The following TNFSF4 variants were observed in gnomAD, a reference collection of about 807,000 sequenced individuals.
TNFSF4 encodes tumor necrosis factor ligand superfamily member 4.
TNFSF4 carries 4 observed loss-of-function variants against 7.3 expected under a neutral mutation model. The ratio of observed to expected loss-of-function variants is 0.55; its 90% CI spans 0.27 to 1.25. The LOEUF (loss-of-function observed/expected upper bound fraction) is 1.25. TNFSF4 is among the 50% of genes most tolerant of loss of function. The pLI, the probability that TNFSF4 is intolerant of heterozygous loss-of-function variation, is 0.12. For synonymous variants in TNFSF4, 76 were observed against 83.7 expected, an observed-to-expected ratio of 0.91 and a Z score of 0.50; for missense variants, 181 against 208.8, an observed-to-expected ratio of 0.87 and a Z score of 0.82.
At chr1:173,197,056 A>G (rs1649733929) in intron 1 of TNFSF4, among the ~76,000 whole-genome samples, 1 of 152,208 alleles carries the variant, frequency 6.6e-6, no homozygotes, top group Non-Finnish European at 1.5e-5. Flanking sequence ...CTGGACCTTC[A>G]TCAGCTACAA....
chr1:173,408,776 C>T, the TNFSF4 span, among the ~76,000 whole-genome samples: 71 of 151,922 alleles, frequency 4.7e-4, no homozygotes, highest in Middle Eastern at 0.017. Context: ...TTAGTAGAGA[C>T]GGGGGGTTTC....
chr1:173,177,611 G>A, the TNFSF4 span, among the ~76,000 whole-genome samples: 1 of 152,096 alleles, frequency 6.6e-6, no homozygotes. Flanking sequence ...AATAAAAAAT[G>A]CAGATTCTAT....
At chr1:173,397,509 T>C in the TNFSF4 span, among the ~76,000 whole-genome samples, 4 of 152,192 alleles carry the variant, frequency 2.6e-5, no homozygotes, top group Non-Finnish European at 5.9e-5. Context: ...TAGTGGATTA[T>C]GAAAGTCAGG....
At chr1:173,307,068 A>G in the TNFSF4 span, among the ~76,000 whole-genome samples, 1 of 151,934 alleles carries the variant, frequency 6.6e-6, no homozygotes, top group Non-Finnish European at 1.5e-5. Flanking sequence ...CATCTGTTTC[A>G]GGTTTTACCA....
At chr1:173,272,732 C>T in the TNFSF4 span, among the ~76,000 whole-genome samples, 6 of 152,130 alleles carry the variant, frequency 3.9e-5, no homozygotes, top group Non-Finnish European at 7.4e-5. Context: ...AATGTTGCCA[C>T]GACCTTTGCT....
At chr1:173,447,876 A>C in the TNFSF4 span, among the ~76,000 whole-genome samples, 1 of 152,170 alleles carries the variant, frequency 6.6e-6, no homozygotes, top group Non-Finnish European at 1.5e-5. Flanking sequence ...CTAACTATCT[A>C]CAAGAAACCT....
chr1:173,306,108 A>G, the TNFSF4 span, among the ~76,000 whole-genome samples: 3 of 151,702 alleles, frequency 2.0e-5, no homozygotes, highest in Admixed American at 6.6e-5. Flanking sequence ...TCTCAGTGGC[A>G]TCTTATAATC....
chr1:173,176,092 A>G, the TNFSF4 span, among the ~76,000 whole-genome samples: 3 of 152,206 alleles, frequency 2.0e-5, no homozygotes, highest in Non-Finnish European at 2.9e-5. Flanking sequence ...TGTTCTGTGT[A>G]TCAAAAAGTT....
the TNFSF4 span, among the ~76,000 whole-genome samples, chr1:173,278,444 G>A: frequency 6.6e-6 from 1 of 152,086 alleles, no homozygotes. Flanking sequence ...CAACTGGCAT[G>A]GACTACTTTA....
the TNFSF4 span, among the ~76,000 whole-genome samples, chr1:173,407,703 GGTGTGTGT>G: frequency 2.7e-5 from 4 of 148,250 alleles, no homozygotes; most frequent in African/African-American, 5.0e-5. Flanking sequence ...GATGTAAATG[GGTGTGTGT>G]GTGTGTGTGT....
the TNFSF4 span, among the ~76,000 whole-genome samples, chr1:173,321,015 A>G: frequency 6.6e-6 from 1 of 152,330 alleles, no homozygotes; most frequent in South Asian, 2.1e-4. Flanking sequence ...GAGCCCATAT[A>G]GCCAAGAAAA....
At chr1:173,376,258 C>T in the TNFSF4 span, among the ~76,000 whole-genome samples, 1 of 152,168 alleles carries the variant, frequency 6.6e-6, no homozygotes, top group African/African-American at 2.4e-5. Flanking sequence ...ACTATGCAGC[C>T]ATAAAAAAGG....
the TNFSF4 span, among the ~76,000 whole-genome samples, chr1:173,412,209 C>T: frequency 6.6e-6 from 1 of 152,110 alleles, no homozygotes; most frequent in Non-Finnish European, 1.5e-5. Context: ...CTGATTTCAG[C>T]CACAACTATA....
At chr1:173,286,339 ACTGT>A in the TNFSF4 span, among the ~76,000 whole-genome samples, 2 of 152,328 alleles carry the variant, frequency 1.3e-5, no homozygotes, top group South Asian at 4.1e-4. Flanking sequence ...GCAGACATAC[ACTGT>A]CTGACTTCAA....
chr1:173,375,460 G>A, the TNFSF4 span, among the ~76,000 whole-genome samples: 13 of 152,174 alleles, frequency 8.5e-5, no homozygotes, highest in Non-Finnish European at 1.9e-4. Context: ...GGGTCAAGTG[G>A]GGACTTCAGG....
the TNFSF4 span, among the ~76,000 whole-genome samples, chr1:173,173,261 A>G: frequency 1.3e-5 from 2 of 152,330 alleles, no homozygotes; most frequent in African/African-American, 4.8e-5. Flanking sequence ...TGCCTTCCCA[A>G]CAGTTCCCCA....
At chr1:173,341,128 G>T in the TNFSF4 span, among the ~76,000 whole-genome samples, 1 of 151,144 alleles carries the variant, frequency 6.6e-6, no homozygotes, top group East Asian at 2.0e-4. Flanking sequence ...AGTTTCCTGT[G>T]GCCTCCCCAG....
the TNFSF4 span, among the ~76,000 whole-genome samples, chr1:173,278,482 C>A: frequency 2.0e-5 from 3 of 152,034 alleles, no homozygotes; most frequent in African/African-American, 4.8e-5. Context: ...TATTAAGTAA[C>A]CCTACCACCA....
At chr1:173,422,720 A>G in the TNFSF4 span, among the ~76,000 whole-genome samples, 1 of 152,134 alleles carries the variant, frequency 6.6e-6, no homozygotes. Flanking sequence ...GGAGGGGGAG[A>G]CAATTCAGTT....
Sources: gnomAD v4.1 joint callset for allele counts (sites outside exome capture counted in the v4.1 genomes callset) on GRCh38, gnomAD v4.1.1 for gene constraint, MANE v1.5 for transcripts, NCBI Gene and HGNC (gene_info 2026-07-23, HGNC 2026-07-21) for gene names.